MAP2K1: variants seen among roughly 807,000 people sequenced by gnomAD.
MAP2K1 encodes dual specificity mitogen-activated protein kinase kinase 1.
MAP2K1 carries 16 observed loss-of-function variants against 46.3 expected under a neutral mutation model. The observed-to-expected ratio is 0.35, with a 90% CI of 0.23 to 0.52. The LOEUF is 0.52. Ranked by LOEUF, MAP2K1 falls within the 20% of genes least tolerant of loss-of-function variation. The probability of loss-of-function intolerance (pLI) is 0.94; values close to 1 mark genes in which losing one functional copy is unlikely to be tolerated. For missense variants in MAP2K1, 263 were observed against 497.1 expected (o/e 0.53, Z 4.48); for synonymous variants, 183 against 185.6 (o/e 0.99, Z 0.11).
chr15:66,389,613 TG>T lies in MAP2K1; in HGVS notation c.80+2187del, dbSNP rs570288051. ...TTTTTTTTTGACAGTCTCGCTCTGT[TG>T]CCCAGGCCAGAGTGCAGTGGTGCGA... is the stretch of plus-strand genomic sequence containing the variant. On this transcript the variant is annotated intron_variant, in intron 1 of 10. Coordinates refer to ENST00000307102, the MANE Select transcript of MAP2K1 (RefSeq NM_002755.4). Among the ~76,000 whole-genome samples, 26 of 145,358 alleles carry T rather than the reference TG, an allele frequency of 1.8e-4. 1 individual carries two copies. Among genetic ancestry groups the T allele is most frequent in the Non-Finnish European group, 3.1e-4 (21 of 66,880 alleles).
rs534605496 is a variant in MAP2K1, at chr15:66,392,408, G to C, written c.80+4981G>C. ...TGCTCAGGCTGGTCTTGAACTCTTG[G>C]GCTCAAGCGATCTGCCCACCTCATC... On this transcript the variant is annotated intron_variant, in intron 1 of 10. Transcript: ENST00000307102. Among the ~76,000 whole-genome samples the C allele has an allele frequency of 6.2e-4, 93 of 150,580 alleles. 1 individual carries two copies. The highest frequency in any genetic ancestry group is 2.1e-3 in the African/African-American group (88 of 41,000).
intron 4 of MAP2K1, 35 bp from the exon 5 acceptor site, chr15:66,444,621 G>A (rs1255365707): frequency 2.2e-6 from 3 of 1,394,804 alleles, no homozygotes; most frequent in African/African-American, 1.4e-5. Context: ...CTTATCACCA[G>A]TATTTTCTTT....
intron 5 of MAP2K1, among the ~76,000 whole-genome samples, chr15:66,452,251 A>G (rs1276184161): frequency 2.8e-5 from 4 of 142,586 alleles, no homozygotes; most frequent in Non-Finnish European, 6.1e-5. Flanking sequence ...ACTAACCTGC[A>G]CAATGTGCAC....
At chr15:66,403,167 GGTACATATTACATACA>G (rs2093386536) in intron 1 of MAP2K1, among the ~76,000 whole-genome samples, 1 of 151,974 alleles carries the variant, frequency 6.6e-6, no homozygotes, top group Admixed American at 6.6e-5. Flanking sequence ...ATTTTTTTAT[GGTACATATTACATACA>G]GTACATGTTT....
Position 66,469,472 on chromosome 15 carries a change from C to CTTTTT in MAP2K1, c.569-12260_569-12256dup, listed in dbSNP as rs370379739. The stretch of plus-strand genomic sequence containing the variant: ...TCCCCCAAAGGGAGTCTGGTGCCTC[C>CTTTTT]TTTTTTTTTTTTTTTTTTTTTTTTT... On this transcript the variant is annotated intron_variant, in intron 5 of 10. Coordinates refer to ENST00000307102, the MANE Select transcript of MAP2K1 (RefSeq NM_002755.4). 5.5e-3 allele frequency among the ~76,000 whole-genome samples: 419 copies of CTTTTT among 76,638 alleles called. 35 individuals are homozygous for CTTTTT. The highest frequency in any genetic ancestry group is 0.014 in the African/African-American group (252 of 18,008). 50.3% of individuals were successfully genotyped at this position (76,638 alleles called of 152,430 possible).
At chr15:66,455,713 C>G (rs1450909314) in intron 5 of MAP2K1, among the ~76,000 whole-genome samples, 1 of 152,214 alleles carries the variant, frequency 6.6e-6, no homozygotes, top group Non-Finnish European at 1.5e-5. Flanking sequence ...AACCCAAAGG[C>G]AAGCATGTTC....
At chr15:66,388,157 C>T (rs1484349762) in intron 1 of MAP2K1, among the ~76,000 whole-genome samples, 1 of 152,206 alleles carries the variant, frequency 6.6e-6, no homozygotes, top group Non-Finnish European at 1.5e-5. Flanking sequence ...AACACCATGA[C>T]CTAGAAACCA....
rs1379469307 is a variant in MAP2K1 at position 66,439,934 on chromosome 15, T to TC, written c.438+3043dup. Among the ~76,000 whole-genome samples the TC allele has an allele frequency of 5.4e-5, 4 of 73,610 alleles. No individual in the cohort carries two copies. In the East Asian group the frequency reaches 1.1e-3, roughly 21 times the overall value. The allele number at this position is 73,610 out of a possible 152,430, so 48.3% of individuals were successfully genotyped here. On this transcript the variant is annotated intron_variant, in intron 3 of 10. Transcript: ENST00000307102. ...TGGGTGACAAGAGCAAAACTCCATC[T>TC]CAAAAAAAAAAAAAAAAAATTCTAG...
At chr15:66,395,785 C>G (rs1166907733) in intron 1 of MAP2K1, among the ~76,000 whole-genome samples, 1 of 151,862 alleles carries the variant, frequency 6.6e-6, no homozygotes, top group Non-Finnish European at 1.5e-5. Context: ...ACCATGTTGC[C>G]CAGCCTGGTC....
At chr15:66,391,391 C>G (rs2093355901) in intron 1 of MAP2K1, among the ~76,000 whole-genome samples, 1 of 152,212 alleles carries the variant, frequency 6.6e-6, no homozygotes, top group Non-Finnish European at 1.5e-5. Context: ...CAGGTTCATG[C>G]CATTCTCCTG....
chr15:66,470,938 C>A (rs1892618773), intron 5 of MAP2K1, among the ~76,000 whole-genome samples: 1 of 152,158 alleles, frequency 6.6e-6, no homozygotes, highest in Non-Finnish European at 1.5e-5. Context: ...TAAGATGTTC[C>A]TTGGTTCTGT....
chr15:66,407,480 A>G (rs1021208351), intron 1 of MAP2K1, among the ~76,000 whole-genome samples: 1 of 152,220 alleles, frequency 6.6e-6, no homozygotes, highest in South Asian at 2.1e-4. Flanking sequence ...AAGTCACTGC[A>G]TGACCAACTC....
chr15:66,419,594 G>A (rs1022538730), intron 1 of MAP2K1, among the ~76,000 whole-genome samples: 7 of 152,056 alleles, frequency 4.6e-5, no homozygotes, highest in African/African-American at 1.7e-4. Flanking sequence ...ACCATAGGCT[G>A]TCACTTGTTT....
At chr15:66,393,383 G>C (rs966196504) in intron 1 of MAP2K1, among the ~76,000 whole-genome samples, 1 of 151,968 alleles carries the variant, frequency 6.6e-6, no homozygotes, top group African/African-American at 2.4e-5. Context: ...TCATTATATT[G>C]CTCAGGCTGG....
Position 66,387,280 on chromosome 15 carries a change from G to A in MAP2K1, c.-68G>A. On this transcript the variant is annotated 5_prime_UTR_variant, in exon 1 of 11. Coordinates refer to ENST00000307102, the MANE Select transcript of MAP2K1 (RefSeq NM_002755.4). ...GGTCCTGCGCAGCGGGCGCGGGGCA[G>A]CGCAGCGGGAGGAAGCGAGAGGTGC... is the stretch of plus-strand genomic sequence containing the variant. 1 of 1,365,404 alleles carries A rather than the reference G, an allele frequency of 7.3e-7. No homozygotes were observed. Among genetic ancestry groups the A allele is most frequent in the Non-Finnish European group, 1.0e-6 (1 of 979,644 alleles). The allele number at this position is 1,365,404 out of a possible 1,614,324, so 84.6% of individuals were successfully genotyped here.
intron 5 of MAP2K1, among the ~76,000 whole-genome samples, chr15:66,464,789 A>G (rs535034008): frequency 6.6e-6 from 1 of 151,868 alleles, no homozygotes; most frequent in South Asian, 2.1e-4. Context: ...CGGCCTCCCA[A>G]AGTGCTGGGA....
At chr15:66,413,886 T>C (rs74019600) in intron 1 of MAP2K1, among the ~76,000 whole-genome samples, 14,984 of 149,032 alleles carry the variant, frequency 0.1, 921 homozygotes, top group East Asian at 0.34. Context: ...GTCTTCTGTT[T>C]TGTTCTTATT....
chr15:66,404,136 C>T (rs1405054124), intron 1 of MAP2K1, among the ~76,000 whole-genome samples: 2 of 152,138 alleles, frequency 1.3e-5, no homozygotes, highest in African/African-American at 4.8e-5. Context: ...CACTCATTTG[C>T]GTCCACTGAT....
At chr15:66,415,198 A>G in intron 1 of MAP2K1, 1 of 506,564 alleles carries the variant, frequency 2.0e-6, no homozygotes, top group South Asian at 1.4e-5. Flanking sequence ...GACTGATGCC[A>G]TCTTGGAGTC....
Sources: gnomAD v4.1 joint callset for allele counts (sites outside exome capture counted in the v4.1 genomes callset) on GRCh38, gnomAD v4.1.1 for gene constraint, MANE v1.5 for transcripts, NCBI Gene and HGNC (gene_info 2026-07-23, HGNC 2026-07-21) for gene names.